Variants in LRP1B observed in about 807,000 individuals in gnomAD.
LRP1B encodes the protein LDL receptor related protein 1B, also known as low-density lipoprotein receptor-related protein 1B.
Under a neutral mutation model 556.6 loss-of-function variants are expected in LRP1B, and 217 were observed. The ratio of observed to expected loss-of-function variants is 0.39; its 90% CI spans 0.35 to 0.44. The LOEUF is 0.44. Among genes scored for constraint, LRP1B ranks in the 20% least tolerant of loss-of-function variants. The pLI, the probability that LRP1B is intolerant of heterozygous loss-of-function variation, is 1.00. For missense variants in LRP1B, 5,053 were observed against 5,620.8 expected, an observed-to-expected ratio of 0.90 and a Z score of 3.23; for synonymous variants, 2,047 against 1,865.8, an observed-to-expected ratio of 1.10 and a Z score of -2.50.
At chr2:140,402,074 G>T (rs1045760692) in intron 66 of LRP1B, among the ~76,000 whole-genome samples, 2 of 152,158 alleles carry the variant, frequency 1.3e-5, no homozygotes, top group Non-Finnish European at 2.9e-5. Context: ...GCACCAACCA[G>T]GAGTGTGGGA....
intron 23 of LRP1B, among the ~76,000 whole-genome samples, chr2:140,891,381 T>C (rs1693793336): frequency 6.6e-6 from 1 of 152,152 alleles, no homozygotes. Flanking sequence ...TAAACTGCTA[T>C]TACAACCATA....
At chr2:141,989,228 T>C (rs1266886202) in intron 1 of LRP1B, among the ~76,000 whole-genome samples, 2 of 151,786 alleles carry the variant, frequency 1.3e-5, no homozygotes, top group African/African-American at 2.4e-5. Context: ...GAAATGGTAA[T>C]GATTTGCATG....
rs1040723413 is a variant in LRP1B at position 141,961,644 on chromosome 2, A to G, written c.83-151243T>C. Among the ~76,000 whole-genome samples, 48 of 151,734 alleles carry G rather than the reference A, an allele frequency of 3.2e-4. 1 individual carries two copies. The highest frequency in any genetic ancestry group is 2.1e-4 in the Non-Finnish European group (14 of 67,780). ...CATTAACCTAAGAATGATATCCTCT[A>G]TTCATTGTATGGTGGACAGCATTGA... On this transcript the variant is annotated intron_variant, in intron 1 of 90. Coordinates refer to ENST00000389484, the MANE Select transcript of LRP1B (RefSeq NM_018557.3).
At chr2:140,968,448 T>C (rs890488542) in intron 18 of LRP1B, among the ~76,000 whole-genome samples, 38 of 152,036 alleles carry the variant, frequency 2.5e-4, no homozygotes, top group Non-Finnish European at 3.5e-4. Context: ...TAGTGGTCTA[T>C]CAATTTTGTT....
intron 23 of LRP1B, among the ~76,000 whole-genome samples, chr2:140,890,567 GAAATA>G (rs1280750603): frequency 7.2e-5 from 11 of 151,914 alleles, no homozygotes; most frequent in East Asian, 5.8e-4. Context: ...ATGCTTGACT[GAAATA>G]AAATAAACAA....
chr2:141,987,549 G>GTTTTTTTTTTTTTTTTT (rs5834887), intron 1 of LRP1B, among the ~76,000 whole-genome samples: 3 of 139,962 alleles, frequency 2.1e-5, no homozygotes, highest in East Asian at 2.1e-4. Context: ...GATTTAAGCT[G>GTTTTTTTTTTTTTTTTT]TTTTTTTTTT....
At chr2:141,345,913 C>G (rs1559020163) in intron 3 of LRP1B, among the ~76,000 whole-genome samples, 1 of 151,726 alleles carries the variant, frequency 6.6e-6, no homozygotes, top group Non-Finnish European at 1.5e-5. Flanking sequence ...GAATTGTTTT[C>G]TCTACTGTCT....
At chr2:142,070,013 T>A (rs1012709618) in intron 1 of LRP1B, among the ~76,000 whole-genome samples, 3 of 151,784 alleles carry the variant, frequency 2.0e-5, no homozygotes, top group African/African-American at 7.2e-5. Context: ...ATGTTTTAAA[T>A]GAAACAAATT....
At chr2:140,577,581 A>G (rs1681580835) in intron 43 of LRP1B, among the ~76,000 whole-genome samples, 1 of 151,584 alleles carries the variant, frequency 6.6e-6, no homozygotes, top group African/African-American at 2.4e-5. Context: ...CATGCTGGCT[A>G]ATTTTATTTT....
intron 1 of LRP1B, among the ~76,000 whole-genome samples, chr2:142,027,822 A>T (rs1357984308): frequency 6.6e-6 from 1 of 151,850 alleles, no homozygotes; most frequent in Admixed American, 6.6e-5. Context: ...ATACCAAGAG[A>T]GGCATTTCTT....
intron 2 of LRP1B, among the ~76,000 whole-genome samples, chr2:141,739,458 A>T (rs1250183293): frequency 6.6e-6 from 1 of 152,046 alleles, no homozygotes; most frequent in East Asian, 1.9e-4. Context: ...ATTGTTTTGT[A>T]AAAAAAGACA....
intron 1 of LRP1B, among the ~76,000 whole-genome samples, chr2:142,026,760 G>A (rs184081048): frequency 1.6e-3 from 246 of 151,898 alleles, no homozygotes; most frequent in African/African-American, 5.7e-3. Context: ...GTATTATAGG[G>A]GAGATTAAAA....
Position 141,348,834 on chromosome 2 carries a change from T to TG in LRP1B, c.344-94194dup, listed in dbSNP as rs1285485478. On this transcript the variant is annotated intron_variant, in intron 3 of 90. Transcript: ENST00000389484. Reference sequence around the variant, plus strand: ...GACCTGGTGGGAAGTAAATGAATCATGGGGGGCAGGTCTTTCCCATGCTCT... The same window carrying TG: ...GACCTGGTGGGAAGTAAATGAATCATGGGGGGGCAGGTCTTTCCCATGCTCT... Among the ~76,000 whole-genome samples, 5 of 152,084 alleles carry TG rather than the reference T, an allele frequency of 3.3e-5. No individual in the cohort carries two copies. In the East Asian group the frequency reaches 9.7e-4, roughly 30 times the overall value.
intron 1 of LRP1B, among the ~76,000 whole-genome samples, chr2:141,929,032 A>T (rs560882776): frequency 2.6e-5 from 4 of 152,142 alleles, no homozygotes; most frequent in African/African-American, 9.6e-5. Flanking sequence ...GGTTTGATTC[A>T]TTTTTGCCTG....
intron 66 of LRP1B, among the ~76,000 whole-genome samples, chr2:140,404,989 T>C (rs1448479947): frequency 1.3e-5 from 2 of 152,182 alleles, no homozygotes; most frequent in Admixed American, 6.5e-5. Context: ...AAAACAAGTC[T>C]CAATGAATTT....
At chr2:140,665,129 A>G (rs1685221396) in intron 41 of LRP1B, among the ~76,000 whole-genome samples, 1 of 152,218 alleles carries the variant, frequency 6.6e-6, no homozygotes, top group African/African-American at 2.4e-5. Flanking sequence ...GTTTGTTTAT[A>G]TGTATTACTC....
At chr2:140,303,123 T>C (rs970810486) in intron 83 of LRP1B, among the ~76,000 whole-genome samples, 42 of 148,168 alleles carry the variant, frequency 2.8e-4, no homozygotes, top group African/African-American at 1.1e-3. Flanking sequence ...ATAAAATAAA[T>C]GGAGATTAGT....
intron 1 of LRP1B, among the ~76,000 whole-genome samples, chr2:141,845,798 AT>A (rs1697626103): frequency 6.6e-6 from 1 of 152,018 alleles, no homozygotes; most frequent in Admixed American, 6.6e-5. Context: ...TAAAAGAAAC[AT>A]TATAAACATT....
chr2:142,121,448 C>T (rs1217416841), intron 1 of LRP1B, among the ~76,000 whole-genome samples: 3 of 152,154 alleles, frequency 2.0e-5, no homozygotes, highest in African/African-American at 4.8e-5. Flanking sequence ...CTCTCCCAAA[C>T]ACACACAGTT....
Sources: allele counts gnomAD v4.1 joint callset (sites outside exome capture counted in the v4.1 genomes callset), GRCh38; gene constraint gnomAD v4.1.1; transcripts MANE v1.5; gene names NCBI Gene and HGNC (gene_info 2026-07-23, HGNC 2026-07-21).